FGFR1: variants seen among roughly 807,000 people sequenced by gnomAD.
FGFR1 encodes the protein FGFR1/PLAG1 fusion.
In FGFR1, 18 loss-of-function variants were observed where a neutral mutation model predicts 93.7. The ratio of observed to expected loss-of-function variants is 0.19; its 90% CI spans 0.13 to 0.28. FGFR1 has a LOEUF of 0.28. Ranked by LOEUF, FGFR1 falls within the 10% of genes least tolerant of loss-of-function variation. The probability of loss-of-function intolerance (pLI) is 1.00; values close to 1 mark genes in which losing one functional copy is unlikely to be tolerated. For missense variants in FGFR1, 731 were observed against 1,080.4 expected (o/e 0.68, Z 4.53); for synonymous variants, 448 against 429.3 (o/e 1.04, Z -0.54).
Position 38,411,160 on chromosome 8 carries a change from T to C in FGFR1, c.*2468A>G, listed in dbSNP as rs896885517. The C allele has an allele frequency of 1.5e-5, 3 of 194,776 alleles. No individual in the cohort carries two copies. The highest frequency in any genetic ancestry group is 3.2e-5 in the Non-Finnish European group (3 of 93,572). 12.1% of individuals were successfully genotyped at this position (194,776 alleles called of 1,614,324 possible). Reference sequence around the variant, plus strand: ...CTCTCAGGTCAATTTCACTGTCTTTTATTTGACAGCTAGCGCAGTCTTTGG... The same window carrying C: ...CTCTCAGGTCAATTTCACTGTCTTTCATTTGACAGCTAGCGCAGTCTTTGG... On this transcript the variant is annotated 3_prime_UTR_variant, in exon 18 of 18. Transcript: ENST00000447712.
intron 2 of FGFR1, among the ~76,000 whole-genome samples, chr8:38,438,119 C>T (rs1439482270): frequency 1.3e-5 from 2 of 152,334 alleles, no homozygotes; most frequent in Non-Finnish European, 2.9e-5. Context: ...CCCATTTCAT[C>T]CTCATAGGAA....
chr8:38,437,369 C>T (rs1444775039), intron 2 of FGFR1, among the ~76,000 whole-genome samples: 2 of 152,116 alleles, frequency 1.3e-5, no homozygotes, highest in African/African-American at 2.4e-5. Flanking sequence ...TATGTCTTGC[C>T]CTAACAGGGG....
chr8:38,432,265 A>G (rs1196838249), intron 2 of FGFR1, among the ~76,000 whole-genome samples: 1 of 152,178 alleles, frequency 6.6e-6, no homozygotes, highest in African/African-American at 2.4e-5. Flanking sequence ...CAGAACGTGC[A>G]AACAAAACTC....
intron 2 of FGFR1, among the ~76,000 whole-genome samples, chr8:38,442,149 C>T (rs554124533): frequency 3.3e-5 from 5 of 152,060 alleles, no homozygotes; most frequent in Non-Finnish European, 7.4e-5. Flanking sequence ...GGCATCTGCA[C>T]GATAATAGAA....
intron 13 of FGFR1, 112 bp downstream of exon 13, chr8:38,415,758 A>T: frequency 1.9e-6 from 2 of 1,031,612 alleles, no homozygotes; most frequent in Non-Finnish European, 3.0e-6. Context: ...ACACAGGGCC[A>T]GTGCTCAGTG....
At chr8:38,460,619 G>C (rs1218694827) in intron 1 of FGFR1, among the ~76,000 whole-genome samples, 3 of 152,096 alleles carry the variant, frequency 2.0e-5, no homozygotes, top group Non-Finnish European at 2.9e-5. Flanking sequence ...TCCCAAAAAA[G>C]GTACAAAAAG....
chr8:38,458,654 T>G (rs2151380493), intron 1 of FGFR1, among the ~76,000 whole-genome samples: 1 of 152,230 alleles, frequency 6.6e-6, no homozygotes, highest in African/African-American at 2.4e-5. Context: ...GACCAGTAAA[T>G]GGAAGCCAGG....
intron 1 of FGFR1, chr8:38,461,019 T>C: frequency 2.0e-6 from 3 of 1,515,428 alleles, no homozygotes; most frequent in Admixed American, 2.0e-5. Context: ...CATGCCTGCA[T>C]GCAGAGGTCC....
chr8:38,413,283 A>T lies in FGFR1; in HGVS notation c.*345T>A, dbSNP rs751699851. On this transcript the variant is annotated 3_prime_UTR_variant, in exon 18 of 18. Transcript: ENST00000447712. The surrounding 1 kb of genome is among the most constrained non-coding windows in gnomAD (Gnocchi z 4.2). ...AAAACAGACCAAACCGACAGGAGAA[A>T]GCTCAGGAAGCTCTCACTTGCATGC... 2.5e-4 allele frequency: 98 copies of T among 389,530 alleles called. No individual in the cohort carries two copies. In the Middle Eastern group the frequency reaches 6.7e-3, roughly 27 times the overall value. The allele number at this position is 389,530 out of a possible 1,614,324, so 24.1% of individuals were successfully genotyped here. A position where few individuals can be genotyped will look rare whatever the true frequency, so the allele number is the denominator to read the frequency against.
In FGFR1 at chr8:38,412,660, C is replaced by T. The variant is rs1177222222; in HGVS notation, c.*968G>A. ...TGCGGTGCCCTCGGGACAGACCTAG[C>T]CCCAGGGCCCGTGGGTGTCCCTTCT... On this transcript the variant is annotated 3_prime_UTR_variant, in exon 18 of 18. Coordinates refer to ENST00000447712, the MANE Select transcript of FGFR1 (RefSeq NM_023110.3). 3 of 233,624 alleles carry T rather than the reference C, an allele frequency of 1.3e-5. No individual in the cohort carries two copies. The highest frequency in any genetic ancestry group is 2.5e-5 in the Non-Finnish European group (3 of 118,078). The allele number at this position is 233,624 out of a possible 1,614,324, so 14.5% of individuals were successfully genotyped here.
chr8:38,454,464 C>G (rs1253047907), intron 2 of FGFR1, among the ~76,000 whole-genome samples: 1 of 152,178 alleles, frequency 6.6e-6, no homozygotes, highest in Non-Finnish European at 1.5e-5. Flanking sequence ...ACTCCCTTTA[C>G]ACTCTCATCT....
intron 8 of FGFR1, among the ~76,000 whole-genome samples, chr8:38,420,756 C>T (rs1818445212): frequency 6.6e-6 from 1 of 152,166 alleles, no homozygotes; most frequent in South Asian, 2.1e-4. Flanking sequence ...GAGGCGGCGC[C>T]CCTGGGAACC....
chr8:38,425,705 G>A (rs940024876), intron 6 of FGFR1, among the ~76,000 whole-genome samples: 14 of 152,246 alleles, frequency 9.2e-5, no homozygotes, highest in Admixed American at 8.5e-4. Context: ...CTGAGCCTAT[G>A]CGCCTGTGCT....
chr8:38,433,008 GTCC>G (rs892879393), intron 2 of FGFR1, among the ~76,000 whole-genome samples: 99 of 148,952 alleles, frequency 6.6e-4, no homozygotes, highest in African/African-American at 2.4e-3. Flanking sequence ...CCACTCCAGA[GTCC>G]TCCTACCCCA....
intron 2 of FGFR1, among the ~76,000 whole-genome samples, chr8:38,445,161 G>A (rs1489637325): frequency 6.6e-6 from 1 of 152,202 alleles, no homozygotes; most frequent in Non-Finnish European, 1.5e-5. Flanking sequence ...TGCCCATCGT[G>A]AGCACAAAGC....
At chr8:38,437,869 C>G (rs17182176) in intron 2 of FGFR1, among the ~76,000 whole-genome samples, 5 of 152,182 alleles carry the variant, frequency 3.3e-5, no homozygotes, top group African/African-American at 1.2e-4. Flanking sequence ...TTCACCAGCC[C>G]GGTCCCACAG....
chr8:38,432,430 T>G (rs907280514), intron 2 of FGFR1, among the ~76,000 whole-genome samples: 3 of 149,042 alleles, frequency 2.0e-5, no homozygotes, highest in African/African-American at 7.4e-5. Context: ...TTTTTTTTTT[T>G]GAGATGGAGT....
Position 38,429,485 on chromosome 8 carries a change from G to C in FGFR1, c.358+197C>G. 3 of 723,238 alleles carry C rather than the reference G, an allele frequency of 4.1e-6. No individual in the cohort carries two copies. Among genetic ancestry groups the C allele is most frequent in the Non-Finnish European group, 7.3e-6 (3 of 408,364 alleles). The allele number at this position is 723,238 out of a possible 1,614,324, so 44.8% of individuals were successfully genotyped here. A position where few individuals can be genotyped will look rare whatever the true frequency, so the allele number is the denominator to read the frequency against. The stretch of plus-strand genomic sequence containing the variant: ...TGGAAGCCCCAGATCTCCGGCCCTG[G>C]GGCCCACCCCACCTAGTCACCTCTC... On this transcript the variant is annotated intron_variant, in intron 3 of 17. Transcript: ENST00000447712. The surrounding 1 kb of genome is among the most constrained non-coding windows in gnomAD (Gnocchi z 4.4).
chr8:38,458,012 C>T (rs1833358969), intron 1 of FGFR1, among the ~76,000 whole-genome samples: 1 of 152,010 alleles, frequency 6.6e-6, no homozygotes, highest in Non-Finnish European at 1.5e-5. Flanking sequence ...CTTAATTGGA[C>T]AGAGGGATGC....
Sources: allele counts gnomAD v4.1 joint callset (sites outside exome capture counted in the v4.1 genomes callset), GRCh38; gene constraint gnomAD v4.1.1; non-coding constraint Gnocchi (gnomAD v3.1); transcripts MANE v1.5; gene names NCBI Gene and HGNC (gene_info 2026-07-23, HGNC 2026-07-21).